Variants in DYNLL2 observed in about 807,000 individuals in gnomAD.
DYNLL2 encodes dynein light chain LC8-type 2, also known as dynein light chain 2, cytoplasmic.
Under a neutral mutation model 9.7 loss-of-function variants are expected in DYNLL2, and 1 was observed. The ratio of observed to expected loss-of-function variants is 0.10; its 90% CI spans 0.04 to 0.49. DYNLL2 has a LOEUF of 0.49. Ranked by LOEUF, DYNLL2 falls within the 20% of genes least tolerant of loss-of-function variation. The probability of loss-of-function intolerance (pLI) is 0.95; values close to 1 mark genes in which losing one functional copy is unlikely to be tolerated. For synonymous variants in DYNLL2, 35 were observed against 40.5 expected, an observed-to-expected ratio of 0.86 and a Z score of 0.52; for missense variants, 37 against 115.2, an observed-to-expected ratio of 0.32 and a Z score of 3.11.
chr17:58,093,420 C>G lies in DYNLL2; in HGVS notation c.*4141C>G, dbSNP rs942674134. On this transcript the variant is annotated 3_prime_UTR_variant, in exon 3 of 3. Coordinates refer to ENST00000579991, the MANE Select transcript of DYNLL2 (RefSeq NM_080677.3). ...ATGTTGCTGAAACCTGAGAGCGCCC[C>G]CCTGAGCTAGACTCAGTAATCATTA... is the stretch of plus-strand genomic sequence containing the variant. 6.6e-6 allele frequency: 1 copy of G among 152,166 alleles called. No homozygotes were observed. The highest frequency in any genetic ancestry group is 1.5e-5 in the Non-Finnish European group (1 of 68,034). 9.4% of individuals were successfully genotyped at this position (152,166 alleles called of 1,614,324 possible). A position where few individuals can be genotyped will look rare whatever the true frequency, so the allele number is the denominator to read the frequency against.
chr17:58,094,971 T>A lies in DYNLL2; in HGVS notation c.*5692T>A, dbSNP rs2075793053. 1 of 152,248 alleles carries A rather than the reference T, an allele frequency of 6.6e-6. No individual in the cohort carries two copies. Among genetic ancestry groups the A allele is most frequent in the Admixed American group, 6.5e-5 (1 of 15,282 alleles). 9.4% of individuals were successfully genotyped at this position (152,248 alleles called of 1,614,324 possible). A position where few individuals can be genotyped will look rare whatever the true frequency, so the allele number is the denominator to read the frequency against. On this transcript the variant is annotated 3_prime_UTR_variant, in exon 3 of 3. Transcript: ENST00000579991. ...TCTAGCTGAGTAACGTGTGGGTATA[T>A]CACATTTTGTTTATTCATCTGTTGA... is the stretch of plus-strand genomic sequence containing the variant.
intron 2 of DYNLL2, among the ~76,000 whole-genome samples, 195 bp downstream of exon 2, chr17:58,087,417 C>T (rs1266942189): frequency 1.8e-5 from 2 of 108,824 alleles, no homozygotes; most frequent in Non-Finnish European, 1.9e-5. Context: ...TTGTTAATAG[C>T]TCTGCCAGGT....
In DYNLL2 at chr17:58,089,520, T is replaced by C; in HGVS notation, c.*241T>C. On this transcript the variant is annotated 3_prime_UTR_variant, in exon 3 of 3. Transcript: ENST00000579991. ...TTTTCAAGACTTTAAAAATATTTTT[T>C]GGTTGTATTGCACTAGGAAATCTCT... 5.8e-6 allele frequency: 3 copies of C among 520,288 alleles called. No individual in the cohort carries two copies. The East Asian group carries it at 1.0e-4, about 17-fold the overall frequency. The allele number at this position is 520,288 out of a possible 1,614,324, so 32.2% of individuals were successfully genotyped here. A position where few individuals can be genotyped will look rare whatever the true frequency, so the allele number is the denominator to read the frequency against.
chr17:58,088,868 G>C (rs939313470), intron 2 of DYNLL2, among the ~76,000 whole-genome samples: 3 of 152,116 alleles, frequency 2.0e-5, no homozygotes, highest in African/African-American at 7.2e-5. Context: ...GTAGCTAGAG[G>C]GAGGAGAGAT....
chr17:58,094,047 G>C lies in DYNLL2; in HGVS notation c.*4768G>C, dbSNP rs1018321144. 6 of 152,254 alleles carry C rather than the reference G, an allele frequency of 3.9e-5. No homozygotes were observed. The highest frequency in any genetic ancestry group is 1.4e-4 in the African/African-American group (6 of 41,440). 9.4% of individuals were successfully genotyped at this position (152,254 alleles called of 1,614,324 possible). ...TGCCTCTCCTTCCTCCCTTTGCCCA[G>C]ATAAAGGTGTACAGTGTTTGTGGTG... On this transcript the variant is annotated 3_prime_UTR_variant, in exon 3 of 3. Transcript: ENST00000579991.
Position 58,092,903 on chromosome 17 carries a change from C to CAAAA in DYNLL2, c.*3625_*3626insAAAA, listed in dbSNP as rs2075785491. The stretch of plus-strand genomic sequence containing the variant: ...AGTCTTTGCTCAAACATCCTTTTAT[C>CAAAA]AGAGAGGCTTTCTGACATCCTGTGC... On this transcript the variant is annotated 3_prime_UTR_variant, in exon 3 of 3. Coordinates refer to ENST00000579991, the MANE Select transcript of DYNLL2 (RefSeq NM_080677.3). 6.6e-6 allele frequency: 1 copy of CAAAA among 152,258 alleles called. No homozygotes were observed. 9.4% of individuals were successfully genotyped at this position (152,258 alleles called of 1,614,324 possible). A position where few individuals can be genotyped will look rare whatever the true frequency, so the allele number is the denominator to read the frequency against.
intron 1 of DYNLL2, among the ~76,000 whole-genome samples, chr17:58,086,526 T>G (rs1406299770): frequency 6.6e-6 from 1 of 152,196 alleles, no homozygotes; most frequent in Non-Finnish European, 1.5e-5. Flanking sequence ...GAAGGCCAAG[T>G]GACTTGTCTA....
rs745581029 is a variant in DYNLL2 at position 58,087,154 on chromosome 17, G to A, written c.64G>A (p.Val22Ile). 8 of 1,614,122 alleles carry A rather than the reference G, an allele frequency of 5.0e-6. No homozygotes were observed. In the Admixed American group the frequency reaches 5.0e-5, roughly 10 times the overall value. Residue 22 changes from valine to isoleucine, a missense_variant, in exon 2 of 3, where the codon GTT becomes ATT. Val to Ile is a conservative substitution (Grantham distance 29). Transcript: ENST00000579991. ...DMSEDMQQDA[V>I]DCATQAMEKY... Reference sequence around the variant, plus strand: ...GTCTGAGGACATGCAACAGGATGCCGTTGACTGCGCCACGCAGGCCATGGA... The same window carrying A: ...GTCTGAGGACATGCAACAGGATGCCATTGACTGCGCCACGCAGGCCATGGA...
rs1017725774 is a variant in DYNLL2, at chr17:58,090,776, C to T, written c.*1497C>T. On this transcript the variant is annotated 3_prime_UTR_variant, in exon 3 of 3. Transcript: ENST00000579991. ...GGGTTTGGGGTGGGGTGGTCATTGC[C>T]GTTTGAGCTGCTGATTTTCATGAGT... 1.3e-5 allele frequency: 2 copies of T among 149,238 alleles called. No homozygotes were observed. The highest frequency in any genetic ancestry group is 2.0e-4 in the East Asian group (1 of 5,036). The allele number at this position is 149,238 out of a possible 1,614,324, so 9.2% of individuals were successfully genotyped here. A position where few individuals can be genotyped will look rare whatever the true frequency, so the allele number is the denominator to read the frequency against.
chr17:58,089,039 C>G, intron 2 of DYNLL2, 103 bp from the exon 3 acceptor site: 1 of 1,459,898 alleles, frequency 6.8e-7, no homozygotes, highest in Non-Finnish European at 9.5e-7. Flanking sequence ...GTGATAACAA[C>G]CAAACGTGTC....
rs537644000 is a variant in DYNLL2, at chr17:58,084,199, G to C, written c.-10+516G>C. On this transcript the variant is annotated intron_variant, in intron 1 of 2. Coordinates refer to ENST00000579991, the MANE Select transcript of DYNLL2 (RefSeq NM_080677.3). ...GGCCGGCGGCGCGGGCGGGAGGTCG[G>C]GGGGAAGGAGGATGCTTCCTCGTTC... 5.9e-5 allele frequency among the ~76,000 whole-genome samples: 9 copies of C among 152,076 alleles called. 1 individual carries two copies. In the South Asian group the frequency reaches 1.2e-3, roughly 21 times the overall value.
Position 58,094,393 on chromosome 17 carries a change from A to C in DYNLL2, c.*5114A>C, listed in dbSNP as rs2075790697. 2 of 152,150 alleles carry C rather than the reference A, an allele frequency of 1.3e-5. No homozygotes were observed. The highest frequency in any genetic ancestry group is 2.9e-5 in the Non-Finnish European group (2 of 68,028). The allele number at this position is 152,150 out of a possible 1,614,324, so 9.4% of individuals were successfully genotyped here. A position where few individuals can be genotyped will look rare whatever the true frequency, so the allele number is the denominator to read the frequency against. On this transcript the variant is annotated 3_prime_UTR_variant, in exon 3 of 3. Transcript: ENST00000579991. ...ATCTAATAAAGTTGGGGAAAGAACAAAATCCCCCCCTCACACCCTATTGCA... is the reference window on the plus strand; with the variant it reads ...ATCTAATAAAGTTGGGGAAAGAACACAATCCCCCCCTCACACCCTATTGCA...
rs1345227135 is a variant in DYNLL2, at chr17:58,087,175, A to C, written c.85A>C (p.Met29Leu). 2.5e-6 allele frequency: 4 copies of C among 1,614,232 alleles called. No homozygotes were observed. Among genetic ancestry groups the C allele is most frequent in the Non-Finnish European group, 1.7e-6 (2 of 1,180,020 alleles). ...TGCCGTTGACTGCGCCACGCAGGCCATGGAGAAGTACAATATAGAGAAGGA... is the reference window on the plus strand; with the variant it reads ...TGCCGTTGACTGCGCCACGCAGGCCCTGGAGAAGTACAATATAGAGAAGGA... The part of the protein sequence containing the change: ...QDAVDCATQA[M>L]EKYNIEKDIA... Residue 29 changes from methionine (M) to leucine (L), a missense_variant, in exon 2 of 3, where the codon ATG becomes CTG. By Grantham distance (15) the Met-to-Leu change is conservative. Coordinates refer to ENST00000579991, the MANE Select transcript of DYNLL2 (RefSeq NM_080677.3).
At chr17:58,084,056 T>G (rs1418638503) in intron 1 of DYNLL2, among the ~76,000 whole-genome samples, 14 of 151,862 alleles carry the variant, frequency 9.2e-5, no homozygotes. Flanking sequence ...ACGCGGCTCC[T>G]CCTGCCGCCA....
chr17:58,087,622 G>T (rs182286878), intron 2 of DYNLL2, among the ~76,000 whole-genome samples: 20 of 152,318 alleles, frequency 1.3e-4, no homozygotes, highest in African/African-American at 4.6e-4. Flanking sequence ...ATCATTTAAA[G>T]TGGATATGCC....
intron 2 of DYNLL2, among the ~76,000 whole-genome samples, chr17:58,088,603 G>A (rs2075769048): frequency 6.6e-6 from 1 of 152,192 alleles, no homozygotes; most frequent in African/African-American, 2.4e-5. Flanking sequence ...AGCCCACACA[G>A]TGCATGGCAC....
At position 58,091,202 on chromosome 17, in the gene DYNLL2, A is replaced by T. The variant is rs114632326; in HGVS notation, c.*1923A>T. On this transcript the variant is annotated 3_prime_UTR_variant, in exon 3 of 3. Transcript: ENST00000579991. ...TGCTCTGCATCCACGCCTCTTTTGG[A>T]CATTAAAGGTTGATTGATGCACCTC... The T allele has an allele frequency of 1.2e-4, 19 of 152,048 alleles. No individual in the cohort carries two copies. The highest frequency in any genetic ancestry group is 3.9e-4 in the African/African-American group (16 of 41,364). 9.4% of individuals were successfully genotyped at this position (152,048 alleles called of 1,614,324 possible).
At chr17:58,087,353 A>G (rs2075763888) in intron 2 of DYNLL2, 131 bp downstream of exon 2, 1 of 1,318,726 alleles carries the variant, frequency 7.6e-7, no homozygotes, top group African/African-American at 1.5e-5. Flanking sequence ...AGGAACTTGC[A>G]AAGCAGACAA....
At chr17:58,088,359 G>A (rs186104428) in intron 2 of DYNLL2, among the ~76,000 whole-genome samples, 1 of 152,332 alleles carries the variant, frequency 6.6e-6, no homozygotes, top group East Asian at 1.9e-4. Flanking sequence ...GTTGTATGTT[G>A]AGCATATTGA....
Sources: gnomAD v4.1 joint callset for allele counts (sites outside exome capture counted in the v4.1 genomes callset) on GRCh38, gnomAD v4.1.1 for gene constraint, MANE v1.5 for transcripts, NCBI Gene and HGNC (gene_info 2026-07-23, HGNC 2026-07-21) for gene names.